RAI1: variants seen among roughly 807,000 people sequenced by gnomAD.
The protein encoded by RAI1 is retinoic acid-induced protein 1.
RAI1 carries 9 observed loss-of-function variants against 123.8 expected under a neutral mutation model. That is an observed-to-expected ratio of 0.07 (90% CI 0.04 to 0.13). RAI1 has a LOEUF of 0.13. Among genes scored for constraint, RAI1 ranks in the 10% least tolerant of loss-of-function variants. The pLI, the probability that RAI1 is intolerant of heterozygous loss-of-function variation, is 1.00. For synonymous variants in RAI1, 1,231 were observed against 1,127.3 expected (o/e 1.09, Z -1.84); for missense variants, 2,256 against 2,545.8 (o/e 0.89, Z 2.45).
At chr17:17,757,746 C>T (rs1026192815) in intron 2 of RAI1, among the ~76,000 whole-genome samples, 3 of 152,236 alleles carry the variant, frequency 2.0e-5, no homozygotes, top group Non-Finnish European at 4.4e-5. Context: ...GTGCCACTTC[C>T]GGAGACTACT....
intron 2 of RAI1, among the ~76,000 whole-genome samples, chr17:17,769,634 C>T (rs1008494379): frequency 1.3e-5 from 2 of 152,162 alleles, no homozygotes; most frequent in Admixed American, 6.5e-5. Flanking sequence ...AGACCTAGGA[C>T]CTGTGGCAGT....
chr17:17,723,498 A>G (rs969008915), intron 1 of RAI1, among the ~76,000 whole-genome samples: 5 of 148,416 alleles, frequency 3.4e-5, no homozygotes, highest in Admixed American at 1.3e-4. Context: ...CCCCTCCTCT[A>G]TCTTTGACAT....
At position 17,685,398 on chromosome 17, in the gene RAI1, G is replaced by C. The variant is rs1391738251; in HGVS notation, c.-149+3605G>C. Among the ~76,000 whole-genome samples the C allele has an allele frequency of 1.3e-5, 2 of 152,228 alleles. No homozygotes were observed. Among genetic ancestry groups the C allele is most frequent in the Non-Finnish European group, 1.5e-5 (1 of 68,038 alleles). On this transcript the variant is annotated intron_variant, in intron 1 of 5. Transcript: ENST00000353383. This position sits in a 1 kb window ranked among gnomAD's most constrained non-coding sequence, Gnocchi z 4.0. ...GGACCCAGCTCATAGCCAAGGCCTC[G>C]ACCAGAGCTGGAGGCTTCCTGGAGG...
chr17:17,686,616 C>T (rs557708430), intron 1 of RAI1, among the ~76,000 whole-genome samples: 2 of 124,126 alleles, frequency 1.6e-5, no homozygotes, highest in South Asian at 2.4e-4. Flanking sequence ...TGTGCACGCG[C>T]GCGCCGGGGA....
At chr17:17,733,026 G>A (rs1418060566) in intron 2 of RAI1, among the ~76,000 whole-genome samples, 7 of 152,182 alleles carry the variant, frequency 4.6e-5, no homozygotes, top group Non-Finnish European at 1.0e-4. Context: ...GGTCGGCATT[G>A]CAGGGCCACA....
chr17:17,753,800 C>T (rs1453132949), intron 2 of RAI1, among the ~76,000 whole-genome samples: 3 of 152,230 alleles, frequency 2.0e-5, no homozygotes, highest in African/African-American at 7.2e-5. Flanking sequence ...AACTCCTCTC[C>T]AGGCTCTAGA....
At chr17:17,783,045 G>C (rs1218522382) in intron 2 of RAI1, among the ~76,000 whole-genome samples, 3 of 148,326 alleles carry the variant, frequency 2.0e-5, no homozygotes, top group Non-Finnish European at 4.5e-5. Context: ...GGCTACGGGA[G>C]AATCAGGGAG....
chr17:17,800,894 A>G lies in RAI1; in HGVS notation c.5565+2381A>G, dbSNP rs1467014618. ...CCCAGCTCTGCCGAGGGCTGGTTCC[A>G]TAGCTCCAGGCGAGTCACGCATGCT... On this transcript the variant is annotated intron_variant, in intron 3 of 5. Coordinates refer to ENST00000353383, the MANE Select transcript of RAI1 (RefSeq NM_030665.4). This position sits in a 1 kb window ranked among gnomAD's most constrained non-coding sequence, Gnocchi z 4.7. Among the ~76,000 whole-genome samples, 2 of 152,206 alleles carry G rather than the reference A, an allele frequency of 1.3e-5. No homozygotes were observed. Among genetic ancestry groups the G allele is most frequent in the Non-Finnish European group, 1.5e-5 (1 of 68,042 alleles).
At chr17:17,763,052 A>G (rs1285764221) in intron 2 of RAI1, among the ~76,000 whole-genome samples, 2 of 39,246 alleles carry the variant, frequency 5.1e-5, no homozygotes, top group Non-Finnish European at 2.1e-4. Flanking sequence ...GCTTTTCTGG[A>G]AAAAAAAAAA....
Position 17,754,891 on chromosome 17 carries a change from A to G in RAI1, c.-17+30732A>G, listed in dbSNP as rs148414329. Among the ~76,000 whole-genome samples, 613 of 152,330 alleles carry G rather than the reference A, an allele frequency of 4.0e-3. 4 individuals carry two copies. Among genetic ancestry groups the G allele is most frequent in the African/African-American group, 0.014 (579 of 41,568 alleles). ...TTCCCAGTCTACATTCATTGGGTCC[A>G]TTTTATAGATCAGGAAAACTGAGGC... On this transcript the variant is annotated intron_variant, in intron 2 of 5. Transcript: ENST00000353383.
At chr17:17,778,223 G>A (rs4925111) in intron 2 of RAI1, 1,992 of 160,312 alleles carry the variant, frequency 0.012, 42 homozygotes, top group African/African-American at 0.043. Context: ...GGTACAGGCC[G>A]CTGCTCTATG....
At chr17:17,768,582 C>T (rs562771353) in intron 2 of RAI1, among the ~76,000 whole-genome samples, 123 of 152,324 alleles carry the variant, frequency 8.1e-4, no homozygotes, top group African/African-American at 2.8e-3. Context: ...CTGACCATCA[C>T]GTGAGGGGCT....
chr17:17,779,246 A>AGGTC (rs1241197801), intron 2 of RAI1: 1 of 319,446 alleles, frequency 3.1e-6, no homozygotes, highest in African/African-American at 2.2e-5. Flanking sequence ...CTCTCCCCGA[A>AGGTC]GGTCGCTGCT....
chr17:17,796,229 C>T lies in RAI1; in HGVS notation c.3281C>T (p.Ser1094Leu), dbSNP rs376044849. ...LGGKQRAAFK[S>L]GKRVGKPSPK... ...GGCAAGCAGCGAGCCGCCTTCAAGT[C>T]GGGCAAGCGGGTGGGGAAGCCCTCA... The change falls in exon 3 of 6, where the codon TCG becomes TTG. Residue 1094 changes from serine to leucine, a missense_variant. Physicochemically the swap from Ser to Leu is moderately radical, Grantham distance 145. This residue lies in a region of RAI1 where 22 missense variants were observed against 50.7 expected (regional missense o/e 0.43). Coordinates refer to ENST00000353383, the MANE Select transcript of RAI1 (RefSeq NM_030665.4). This position sits in a 1 kb window ranked among gnomAD's most constrained non-coding sequence, Gnocchi z 5.8. 5 of 1,563,720 alleles carry T rather than the reference C, an allele frequency of 3.2e-6. No homozygotes were observed. The highest frequency in any genetic ancestry group is 1.4e-5 in the African/African-American group (1 of 73,382).
chr17:17,787,962 C>G (rs2031884030), intron 2 of RAI1, among the ~76,000 whole-genome samples: 1 of 152,162 alleles, frequency 6.6e-6, no homozygotes, highest in Non-Finnish European at 1.5e-5. Context: ...GATACCTCTG[C>G]ACTCTGAAGG....
intron 3 of RAI1, among the ~76,000 whole-genome samples, chr17:17,803,418 A>G (rs572732166): frequency 6.6e-6 from 1 of 152,090 alleles, no homozygotes; most frequent in African/African-American, 2.4e-5. Context: ...TTTTTGAGGC[A>G]GGGTCTCACT....
chr17:17,783,656 G>T (rs1567903548), intron 2 of RAI1, among the ~76,000 whole-genome samples: 1 of 152,248 alleles, frequency 6.6e-6, no homozygotes, highest in East Asian at 1.9e-4. Context: ...TGGGGCGCGC[G>T]CCCGCACTCG....
intron 2 of RAI1, among the ~76,000 whole-genome samples, chr17:17,783,223 C>T (rs2031675572): frequency 6.6e-6 from 1 of 152,028 alleles, no homozygotes; most frequent in African/African-American, 2.4e-5. Context: ...AGGACCGGGC[C>T]CGCCCCGGGA....
intron 2 of RAI1, among the ~76,000 whole-genome samples, chr17:17,774,304 T>G (rs554980023): frequency 6.6e-6 from 1 of 152,346 alleles, no homozygotes; most frequent in East Asian, 1.9e-4. Context: ...TCACCTGAGG[T>G]CACACAGCGA....
Sources: allele counts gnomAD v4.1 joint callset (sites outside exome capture counted in the v4.1 genomes callset), GRCh38; gene constraint gnomAD v4.1.1; regional missense constraint gnomAD v4.1.1; non-coding constraint Gnocchi (gnomAD v3.1); transcripts MANE v1.5; gene names NCBI Gene and HGNC (gene_info 2026-07-23, HGNC 2026-07-21).